UNC13C: variants seen among roughly 807,000 people sequenced by gnomAD.
UNC13C encodes the protein protein unc-13 homolog C.
Under a neutral mutation model 245.4 loss-of-function variants are expected in UNC13C, and 174 were observed. The ratio of observed to expected loss-of-function variants is 0.71; its 90% confidence interval spans 0.63 to 0.80. The LOEUF is 0.80. UNC13C is among the 30% of genes least tolerant of loss of function. The pLI is 0.00. For synonymous variants in UNC13C, 992 were observed against 895.1 expected (o/e 1.11, Z -1.93); for missense variants, 2,829 against 2,602.9 (o/e 1.09, Z -1.89).
At chr15:53,890,090 C>T in the UNC13C span, among the ~76,000 whole-genome samples, 1 of 150,022 alleles carries the variant, frequency 6.7e-6, no homozygotes, top group Non-Finnish European at 1.5e-5. Flanking sequence ...GGAGGATTCT[C>T]TCTTTTTCTA....
rs920529026 is a variant in UNC13C at position 54,618,757 on chromosome 15, C to T, written c.6107-3570C>T. ...TAAGCAGCTTTTAGAGTTTCAGTACCAAAAGCATTAAATGAATCAACGGAA... is the reference window on the plus strand; with the variant it reads ...TAAGCAGCTTTTAGAGTTTCAGTACTAAAAGCATTAAATGAATCAACGGAA... On this transcript the variant is annotated intron_variant, in intron 30 of 32. Coordinates refer to ENST00000260323, the MANE Select transcript of UNC13C (RefSeq NM_001080534.3). Among the ~76,000 whole-genome samples the T allele has an allele frequency of 2.6e-5, 4 of 152,144 alleles. No homozygotes were observed. In the South Asian group the frequency reaches 8.3e-4, roughly 32 times the overall value.
At chr15:54,255,333 C>A (rs905796373) in intron 8 of UNC13C, among the ~76,000 whole-genome samples, 8 of 152,254 alleles carry the variant, frequency 5.3e-5, no homozygotes, top group African/African-American at 1.4e-4. Context: ...TAGCTTTCAG[C>A]AGATGGGGGA....
intron 2 of UNC13C, among the ~76,000 whole-genome samples, chr15:54,106,674 C>G (rs1264673233): frequency 6.6e-6 from 1 of 152,164 alleles, no homozygotes; most frequent in African/African-American, 2.4e-5. Flanking sequence ...ATTTATTTCT[C>G]CTTCCTCAGT....
intron 17 of UNC13C, among the ~76,000 whole-genome samples, chr15:54,354,268 C>A (rs192510381): frequency 1.3e-5 from 2 of 152,176 alleles, no homozygotes; most frequent in African/African-American, 4.8e-5. Flanking sequence ...CATAGGTATT[C>A]AGGAGATGGT....
intron 1 of UNC13C, among the ~76,000 whole-genome samples, chr15:54,009,106 G>T (rs1274788711): frequency 6.6e-6 from 1 of 152,148 alleles, no homozygotes; most frequent in Admixed American, 6.5e-5. Flanking sequence ...TTTATGATGG[G>T]ATTGTATCAC....
At chr15:54,537,953 G>A (rs1249372801) in intron 26 of UNC13C, among the ~76,000 whole-genome samples, 2 of 151,034 alleles carry the variant, frequency 1.3e-5, no homozygotes, top group Admixed American at 6.6e-5. Flanking sequence ...GATTCCAAAA[G>A]CAATTGCAAC....
chr15:54,554,123 C>T (rs1447466028), intron 28 of UNC13C, among the ~76,000 whole-genome samples: 2 of 151,988 alleles, frequency 1.3e-5, no homozygotes, highest in East Asian at 3.9e-4. Flanking sequence ...CATATAAAAT[C>T]TGTGACACAC....
chr15:53,981,040 C>A (rs1031917683), intron 1 of UNC13C, among the ~76,000 whole-genome samples: 1 of 152,174 alleles, frequency 6.6e-6, no homozygotes, highest in Non-Finnish European at 1.5e-5. Context: ...AAGGTCAGTG[C>A]AGAAGAGAAC....
At chr15:54,026,613 G>T (rs1472959130) in intron 2 of UNC13C, among the ~76,000 whole-genome samples, 2 of 152,116 alleles carry the variant, frequency 1.3e-5, no homozygotes, top group African/African-American at 4.8e-5. Flanking sequence ...ATCACATTAA[G>T]AAATACTTAA....
At chr15:54,158,325 C>CT (rs942870162) in intron 4 of UNC13C, among the ~76,000 whole-genome samples, 5 of 151,902 alleles carry the variant, frequency 3.3e-5, no homozygotes, top group African/African-American at 1.2e-4. Context: ...GTCATTTACT[C>CT]TTTTTTTTAA....
chr15:54,446,337 A>G (rs980848978), intron 19 of UNC13C, among the ~76,000 whole-genome samples: 1 of 152,182 alleles, frequency 6.6e-6, no homozygotes, highest in African/African-American at 2.4e-5. Context: ...GAAGAAAGTC[A>G]TTGGTACCTT....
At chr15:54,357,661 G>A (rs1596276587) in intron 17 of UNC13C, among the ~76,000 whole-genome samples, 1 of 151,978 alleles carries the variant, frequency 6.6e-6, no homozygotes, top group African/African-American at 2.4e-5. Context: ...GACATATTAG[G>A]AGGTATAAAC....
chr15:54,101,154 TG>T (rs1900141793), intron 2 of UNC13C, among the ~76,000 whole-genome samples: 1 of 152,160 alleles, frequency 6.6e-6, no homozygotes, highest in Non-Finnish European at 1.5e-5. Context: ...TTTTAAAGCC[TG>T]CCTTTGATAA....
At chr15:54,451,504 C>G (rs1264558236) in intron 19 of UNC13C, among the ~76,000 whole-genome samples, 1 of 151,906 alleles carries the variant, frequency 6.6e-6, no homozygotes, top group Non-Finnish European at 1.5e-5. Context: ...TTTTAAAGAC[C>G]TGTCTTTAAG....
chr15:54,210,717 G>A (rs1001168381), intron 4 of UNC13C, among the ~76,000 whole-genome samples: 3 of 152,052 alleles, frequency 2.0e-5, no homozygotes. Flanking sequence ...CATGGATGCT[G>A]GCAGAAAATA....
At chr15:54,533,100 T>C (rs1447383096) in intron 26 of UNC13C, 34 bp downstream of exon 26, 2 of 1,548,322 alleles carry the variant, frequency 1.3e-6, no homozygotes, top group Admixed American at 2.0e-5. Flanking sequence ...TCTTTACTTA[T>C]TGCCCTAAAT....
chr15:54,527,898 A>G (rs975015614), intron 25 of UNC13C, among the ~76,000 whole-genome samples: 2 of 152,142 alleles, frequency 1.3e-5, no homozygotes, highest in African/African-American at 2.4e-5. Flanking sequence ...ACTACCAATC[A>G]GGTCTATATT....
intron 19 of UNC13C, among the ~76,000 whole-genome samples, chr15:54,483,331 G>A (rs1160464594): frequency 6.6e-6 from 1 of 152,152 alleles, no homozygotes; most frequent in Non-Finnish European, 1.5e-5. Context: ...TCACCTGAAT[G>A]CTTATTCCAG....
chr15:53,895,345 C>CAAA, the UNC13C span, among the ~76,000 whole-genome samples: 58 of 34,166 alleles, frequency 1.7e-3, no homozygotes, highest in South Asian at 2.9e-3. Flanking sequence ...GATTTCATCT[C>CAAA]AAAAAAAAAA....
Sources: allele counts gnomAD v4.1 joint callset (sites outside exome capture counted in the v4.1 genomes callset), GRCh38; gene constraint gnomAD v4.1.1; transcripts MANE v1.5; gene names NCBI Gene and HGNC (gene_info 2026-07-23, HGNC 2026-07-21).